HELZ2: variants seen among roughly 807,000 people sequenced by gnomAD.
HELZ2 encodes 3'-5' exoribonuclease HELZ2.
A neutral mutation model predicts 208.8 loss-of-function variants in HELZ2; 143 were observed. The ratio of observed to expected loss-of-function variants is 0.68; its 90% CI spans 0.60 to 0.79. The LOEUF (loss-of-function observed/expected upper bound fraction) is 0.79, where lower values mean the gene tolerates loss of function less well. Among genes scored for constraint, HELZ2 ranks in the 30% least tolerant of loss-of-function variants. The pLI is 0.00. For missense variants in HELZ2, 3,690 were observed against 3,794.5 expected (o/e 0.97, Z 0.72); for synonymous variants, 1,705 against 1,693.7 (o/e 1.01, Z -0.16).
intron 18 of HELZ2, 32 bp downstream of exon 19, chr20:63,559,896 C>G (rs369010340): frequency 1.3e-6 from 2 of 1,598,846 alleles, no homozygotes; most frequent in Admixed American, 3.3e-5. Context: ...CACCTGTGTT[C>G]CCACCCTGGA....
upstream of HELZ2, chr20:63,572,521 G>C: frequency 2.1e-6 from 2 of 962,714 alleles, no homozygotes; most frequent in Non-Finnish European, 3.0e-6. Flanking sequence ...GTTGCTTGCG[G>C]CGGCCCTCGG....
chr20:63,564,309 AGTCGGACCGCAG>A, exon 8 of HELZ2: 1 of 1,602,376 alleles, frequency 6.2e-7, no homozygotes. Context: ...TCATAGAAGC[AGTCGGACCGCAG>A]GCGGTGCCGG....
At chr20:63,562,183 C>T in exon 10 of HELZ2, 1 of 1,612,152 alleles carries the variant, frequency 6.2e-7, no homozygotes, top group South Asian at 1.1e-5. Context: ...GTCTGCCGCT[C>T]CAGGAACCTG....
At chr20:63,565,096 G>T in exon 8 of HELZ2, 7 of 1,564,356 alleles carry the variant, frequency 4.5e-6, no homozygotes, top group Non-Finnish European at 6.1e-6. Flanking sequence ...GGCCCTTCCG[G>T]AGGCTGTAGA....
At position 63,570,628 on chromosome 20, in the gene HELZ2, C is replaced by G. The variant is rs753824513; in HGVS notation, c.463-17G>C. On this transcript the variant is annotated splice_polypyrimidine_tract_variant and intron_variant, in intron 2 of 18. Coordinates refer to ENST00000467148, the Ensembl canonical transcript of HELZ2. ...CTCTGCCAGCTGCGTGGAAGTCTAG[C>G]CTTCAGCAAGAGGCCTGGACCCCAC... 1 of 1,602,806 alleles carries G rather than the reference C, an allele frequency of 6.2e-7. No homozygotes were observed. The highest frequency in any genetic ancestry group is 1.1e-5 in the South Asian group (1 of 90,274).
chr20:63,570,359 T>TAAGGGACCTGCTGCAGGTCACGC (rs1260662222), intron 3 of HELZ2, 145 bp downstream of exon 4: 1 of 737,416 alleles, frequency 1.4e-6, no homozygotes. Flanking sequence ...GCAGAGAGGC[T>TAAGGGACCTGCTGCAGGTCACGC]AAGGGACCTG....
exon 18 of HELZ2, chr20:63,560,066 T>A (rs781349778): frequency 1.2e-6 from 2 of 1,608,020 alleles, no homozygotes; most frequent in Non-Finnish European, 8.5e-7. Context: ...GTGCGGACGG[T>A]GCTCACCAGC....
chr20:63,566,067 A>G, exon 8 of HELZ2: 1 of 1,588,916 alleles, frequency 6.3e-7, no homozygotes, highest in Non-Finnish European at 8.5e-7. Context: ...CCGAAGGAGC[A>G]GAGGGCCACG....
exon 12 of HELZ2, chr20:63,561,663 A>C: frequency 1.2e-6 from 2 of 1,612,454 alleles, no homozygotes; most frequent in Non-Finnish European, 1.7e-6. Flanking sequence ...TGCTGCCCAC[A>C]CGCGGCACTG....
exon 8 of HELZ2, chr20:63,563,959 C>T (rs1462022047): frequency 6.3e-7 from 1 of 1,596,216 alleles, no homozygotes; most frequent in African/African-American, 1.3e-5. Context: ...CCGTGGTGAC[C>T]AAGTCCACCA....
upstream of HELZ2, chr20:63,572,607 A>G (rs13042172): frequency 0.31 from 165,957 of 538,826 alleles, 28,648 homozygotes; most frequent in East Asian, 0.63. Context: ...CGACAGATGC[A>G]TGGGGGACAG....
At chr20:63,558,789 C>T (rs193162949), downstream of HELZ2, 283 of 152,982 alleles carry the variant, frequency 1.8e-3, no homozygotes, top group Middle Eastern at 3.4e-3. Flanking sequence ...CTGCCCGCCT[C>T]GGCTTCCCAA....
In HELZ2 at chr20:63,566,375, CACCT is replaced by C; in HGVS notation, c.2589_2590+2del. On this transcript the variant is annotated splice_donor_variant and coding_sequence_variant, in exon 7 of 19. Transcript: ENST00000467148. LOFTEE classifies it high-confidence loss of function. ...GCAGCACCTGGCCCCGCTGGTCACC[CACCT>C]GGCAGGATCTCAAAACTGCCGACAG... is the stretch of plus-strand genomic sequence containing the variant. 6.5e-7 allele frequency: 1 copy of C among 1,548,078 alleles called. No homozygotes were observed. The highest frequency in any genetic ancestry group is 1.2e-5 in the South Asian group (1 of 83,970).
At chr20:63,565,305 G>C in exon 8 of HELZ2, 1 of 1,606,094 alleles carries the variant, frequency 6.2e-7, no homozygotes, top group Non-Finnish European at 8.5e-7. Context: ...AGCTGCACCA[G>C]CACCTCATCC....
exon 18 of HELZ2, chr20:63,560,066 T>C: frequency 6.2e-7 from 1 of 1,608,020 alleles, no homozygotes; most frequent in Non-Finnish European, 8.5e-7. Flanking sequence ...GTGCGGACGG[T>C]GCTCACCAGC....
chr20:63,568,916 A>G (rs1275623431), exon 5 of HELZ2: 2 of 1,610,226 alleles, frequency 1.2e-6, no homozygotes, highest in Non-Finnish European at 1.7e-6. Flanking sequence ...CTCTGCGTAC[A>G]GTGCTCCCGG....
exon 8 of HELZ2, chr20:63,563,467 C>A: frequency 6.6e-7 from 1 of 1,523,566 alleles, no homozygotes; most frequent in Non-Finnish European, 8.8e-7. Flanking sequence ...GCCGGCCTGC[C>A]AGGGCGTGGG....
chr20:63,567,059 C>T (rs746146661), exon 6 of HELZ2: 12 of 1,611,986 alleles, frequency 7.4e-6, no homozygotes, highest in Admixed American at 1.7e-5. Flanking sequence ...TTGCCCCTGG[C>T]GTGGATGGGG....
chr20:63,560,813 C>T, exon 15 of HELZ2: 1 of 1,612,606 alleles, frequency 6.2e-7, no homozygotes, highest in South Asian at 1.1e-5. Context: ...ACTGAGTGTC[C>T]AGCATATGTG....
Sources: gnomAD v4.1 joint callset for allele counts on GRCh38, gnomAD v4.1.1 for gene constraint, MANE v1.5 for transcripts, NCBI Gene and HGNC (gene_info 2026-07-23, HGNC 2026-07-21) for gene names.